Variants in MAPKAPK2 observed in about 807,000 individuals in gnomAD.
MAPKAPK2 encodes the protein MAPK activated protein kinase 2, also known as MAP kinase-activated protein kinase 2.
A neutral mutation model predicts 48.8 loss-of-function variants in MAPKAPK2; 9 were observed. The observed-to-expected ratio is 0.18, with a 90% CI of 0.11 to 0.32. MAPKAPK2 has a LOEUF of 0.32. Among genes scored for constraint, MAPKAPK2 ranks in the 10% least tolerant of loss-of-function variants. The pLI is 1.00. For synonymous variants in MAPKAPK2, 202 were observed against 190.6 expected (o/e 1.06, Z -0.49); for missense variants, 331 against 498.3 (o/e 0.66, Z 3.20).
intron 1 of MAPKAPK2, among the ~76,000 whole-genome samples, chr1:206,718,009 A>G (rs536653473): frequency 2.8e-4 from 43 of 152,192 alleles, no homozygotes; most frequent in Non-Finnish European, 5.3e-4. Flanking sequence ...CTCTTCCCTA[A>G]AAAACAAAAC....
At chr1:206,723,039 G>A (rs1673582431) in intron 1 of MAPKAPK2, among the ~76,000 whole-genome samples, 1 of 152,226 alleles carries the variant, frequency 6.6e-6, no homozygotes, top group South Asian at 2.1e-4. Context: ...AACACACTTG[G>A]TGCCAGAATC....
chr1:206,716,268 C>T (rs975114464), intron 1 of MAPKAPK2, among the ~76,000 whole-genome samples: 1 of 152,166 alleles, frequency 6.6e-6, no homozygotes, highest in Non-Finnish European at 1.5e-5. Context: ...CTCGACTTCT[C>T]TCTCACAGTG....
At chr1:206,688,131 ATC>A (rs1374979478) in intron 1 of MAPKAPK2, among the ~76,000 whole-genome samples, 1 of 152,134 alleles carries the variant, frequency 6.6e-6, no homozygotes, top group Admixed American at 6.5e-5. Context: ...TCACCTCACC[ATC>A]TCTCCTGGCT....
At chr1:206,719,213 T>G (rs1379595604) in intron 1 of MAPKAPK2, among the ~76,000 whole-genome samples, 8 of 152,230 alleles carry the variant, frequency 5.3e-5, no homozygotes, top group African/African-American at 1.9e-4. Context: ...ATTTGTCATC[T>G]ACAGTGCGAT....
intron 1 of MAPKAPK2, among the ~76,000 whole-genome samples, chr1:206,698,132 C>A (rs1672688297): frequency 6.6e-6 from 1 of 152,228 alleles, no homozygotes; most frequent in South Asian, 2.1e-4. Context: ...CACCTTTTTC[C>A]TGGCTGCAGT....
chr1:206,694,191 C>T (rs1672544596), intron 1 of MAPKAPK2, among the ~76,000 whole-genome samples: 1 of 152,132 alleles, frequency 6.6e-6, no homozygotes, highest in Admixed American at 6.5e-5. Context: ...CTAATCGTGG[C>T]CTAGGAGGGC....
rs1462362906 is a variant in MAPKAPK2, at chr1:206,692,890, C to G, written c.279+7382C>G. Among the ~76,000 whole-genome samples, 13 of 152,334 alleles carry G rather than the reference C, an allele frequency of 8.5e-5. No homozygotes were observed. The East Asian group carries it at 2.3e-3, about 27-fold the overall frequency. On this transcript the variant is annotated intron_variant, in intron 1 of 9. Coordinates refer to ENST00000367103, the MANE Select transcript of MAPKAPK2 (RefSeq NM_032960.4). ...AGTGGCCACCCGATGGGAGCCTTTT[C>G]TGTTTCAGAGCATATGAGGGAGCTG...
At chr1:206,730,201 T>C (rs1673858204) in intron 5 of MAPKAPK2, 103 bp downstream of exon 5, 1 of 1,398,658 alleles carries the variant, frequency 7.1e-7, no homozygotes, top group Non-Finnish European at 9.8e-7. Context: ...GAGTTGTGTC[T>C]GTATGGCCCC....
intron 1 of MAPKAPK2, among the ~76,000 whole-genome samples, chr1:206,707,149 G>A (rs1301929686): frequency 6.6e-6 from 1 of 152,060 alleles, no homozygotes; most frequent in African/African-American, 2.4e-5. Flanking sequence ...CCTAGACGGG[G>A]TATCCTGTTG....
intron 1 of MAPKAPK2, among the ~76,000 whole-genome samples, chr1:206,697,937 T>G (rs1672680923): frequency 6.6e-6 from 1 of 152,232 alleles, no homozygotes; most frequent in Non-Finnish European, 1.5e-5. Flanking sequence ...TCATTGTAAA[T>G]CAACAGGACT....
chr1:206,702,844 TATCTTC>T (rs1229643692), intron 1 of MAPKAPK2, among the ~76,000 whole-genome samples: 1 of 152,210 alleles, frequency 6.6e-6, no homozygotes, highest in African/African-American at 2.4e-5. Context: ...TACATTTGCT[TATCTTC>T]AGTTTTTTCT....
At chr1:206,693,695 GC>G (rs1672524809) in intron 1 of MAPKAPK2, among the ~76,000 whole-genome samples, 1 of 152,200 alleles carries the variant, frequency 6.6e-6, no homozygotes, top group African/African-American at 2.4e-5. Context: ...TGGGCAGTCT[GC>G]CCCAGGCCTT....
intron 1 of MAPKAPK2, among the ~76,000 whole-genome samples, chr1:206,722,549 C>T (rs1175872589): frequency 6.6e-6 from 1 of 152,080 alleles, no homozygotes; most frequent in Non-Finnish European, 1.5e-5. Context: ...AGAAAATAAG[C>T]ATCGTTAAGA....
At chr1:206,729,133 C>T in intron 3 of MAPKAPK2, 34 bp downstream of exon 3, 2 of 1,606,934 alleles carry the variant, frequency 1.2e-6, no homozygotes, top group Non-Finnish European at 1.7e-6. Flanking sequence ...CACGTGCAGG[C>T]AGGCAGGGCA....
At chr1:206,685,782 G>A (rs1672270771) in intron 1 of MAPKAPK2, among the ~76,000 whole-genome samples, 1 of 151,866 alleles carries the variant, frequency 6.6e-6, no homozygotes, top group Non-Finnish European at 1.5e-5. Context: ...GGGTTTGAGC[G>A]GGATCCAGCC....
intron 1 of MAPKAPK2, among the ~76,000 whole-genome samples, chr1:206,702,091 A>C (rs962877276): frequency 2.0e-5 from 3 of 152,186 alleles, no homozygotes; most frequent in Admixed American, 2.0e-4. Context: ...CCACCAACCT[A>C]TCATACCTGT....
In MAPKAPK2 at chr1:206,731,874, C is replaced by A. The variant is rs1673925595; in HGVS notation, c.1014C>A (p.Thr338=). 6.2e-7 allele frequency: 1 copy of A among 1,614,124 alleles called. No homozygotes were observed. The highest frequency in any genetic ancestry group is 1.3e-5 in the African/African-American group (1 of 75,016). The change falls in exon 9 of 10, where the codon ACC becomes ACA. Residue 338 remains threonine, a synonymous_variant. Coordinates refer to ENST00000367103, the MANE Select transcript of MAPKAPK2 (RefSeq NM_032960.4). The surrounding 1 kb of genome is among the most constrained non-coding windows in gnomAD (Gnocchi z 5.9). ...AGGTCCCTCAAACCCCACTGCACAC[C>A]AGCCGGGTCCTGAAGGAGGACAAGG... ...STKVPQTPLH[T]SRVLKEDKER... is the part of the protein sequence containing the mutation.
chr1:206,716,315 G>A (rs1673332884), intron 1 of MAPKAPK2, among the ~76,000 whole-genome samples: 1 of 152,112 alleles, frequency 6.6e-6, no homozygotes, highest in East Asian at 1.9e-4. Context: ...ACTCACTCTT[G>A]TGTCTGGGCC....
chr1:206,711,607 CTTTTTTTTTTTTT>C (rs781793889), intron 1 of MAPKAPK2, among the ~76,000 whole-genome samples: 1 of 115,504 alleles, frequency 8.7e-6, no homozygotes. Flanking sequence ...CTACCTCATT[CTTTTTTTTTTTTT>C]TTTTTTTTAT....
Sources: allele counts gnomAD v4.1 joint callset (sites outside exome capture counted in the v4.1 genomes callset), GRCh38; gene constraint gnomAD v4.1.1; non-coding constraint Gnocchi (gnomAD v3.1); transcripts MANE v1.5; gene names NCBI Gene and HGNC (gene_info 2026-07-23, HGNC 2026-07-21).